C10orf90: variants seen among roughly 807,000 people sequenced by gnomAD.
The protein encoded by C10orf90 is chromosome 10 open reading frame 90.
C10orf90 carries 56 observed loss-of-function variants against 62.5 expected under a neutral mutation model. The observed-to-expected ratio is 0.90, with a 90% confidence interval of 0.72 to 1.12. C10orf90 has a LOEUF of 1.12. Ranked by LOEUF, C10orf90 falls within the 50% of genes most tolerant of loss-of-function variation. The probability of loss-of-function intolerance (pLI) is 0.00; values close to 1 mark genes in which losing one functional copy is unlikely to be tolerated. For synonymous variants in C10orf90, 386 were observed against 340.4 expected (o/e 1.13, Z -1.47); for missense variants, 970 against 880.4 (o/e 1.10, Z -1.29).
At chr10:126,614,443 A>G (rs1004844955) in intron 2 of C10orf90, among the ~76,000 whole-genome samples, 1 of 152,258 alleles carries the variant, frequency 6.6e-6, no homozygotes, top group East Asian at 1.9e-4. Flanking sequence ...GAAAAGCATT[A>G]AAAAAAGCCT....
At chr10:126,476,175 A>T (rs754307694) in intron 4 of C10orf90, among the ~76,000 whole-genome samples, 2 of 152,200 alleles carry the variant, frequency 1.3e-5, no homozygotes, top group African/African-American at 4.8e-5. Flanking sequence ...ATTCCCGTGG[A>T]AAAGGCCCCG....
chr10:126,575,213 C>T (rs1317735225), intron 2 of C10orf90, among the ~76,000 whole-genome samples: 1 of 151,960 alleles, frequency 6.6e-6, no homozygotes, highest in Non-Finnish European at 1.5e-5. Flanking sequence ...GTCAAATTGT[C>T]CCTGTTTGAA....
chr10:126,618,981 G>A (rs879903405), intron 2 of C10orf90, among the ~76,000 whole-genome samples: 6 of 151,648 alleles, frequency 4.0e-5, no homozygotes, highest in Non-Finnish European at 8.8e-5. Context: ...ATACACCATG[G>A]AATACTATGC....
chr10:126,573,344 G>A (rs965463148), intron 2 of C10orf90, among the ~76,000 whole-genome samples: 1 of 152,200 alleles, frequency 6.6e-6, no homozygotes, highest in Non-Finnish European at 1.5e-5. Flanking sequence ...GTCAGGGCTC[G>A]ATCTTTAACT....
At chr10:126,561,242 C>T (rs979162074) in intron 2 of C10orf90, among the ~76,000 whole-genome samples, 8 of 152,160 alleles carry the variant, frequency 5.3e-5, no homozygotes, top group South Asian at 2.1e-4. Context: ...CATAACCTGC[C>T]GCTGTTTCCA....
intron 3 of C10orf90, among the ~76,000 whole-genome samples, chr10:126,510,065 G>C (rs1863008395): frequency 6.6e-6 from 1 of 152,062 alleles, no homozygotes; most frequent in Non-Finnish European, 1.5e-5. Context: ...CCATGTCTGG[G>C]TCCTAATCTT....
chr10:126,627,135 G>A (rs767632249), intron 2 of C10orf90, among the ~76,000 whole-genome samples: 10 of 151,768 alleles, frequency 6.6e-5, no homozygotes, highest in Non-Finnish European at 1.2e-4. Flanking sequence ...AGGTAGCTGG[G>A]ATTACAGGCA....
At chr10:126,667,742 G>C (rs1442956367) in intron 1 of C10orf90, among the ~76,000 whole-genome samples, 1 of 152,196 alleles carries the variant, frequency 6.6e-6, no homozygotes, top group Admixed American at 6.5e-5. Context: ...GCGGACAGAA[G>C]GCAGAGCTCC....
chr10:126,494,728 T>A (rs528848993), intron 4 of C10orf90, among the ~76,000 whole-genome samples: 3 of 152,328 alleles, frequency 2.0e-5, no homozygotes, highest in African/African-American at 7.2e-5. Flanking sequence ...ACAACAGCCA[T>A]ATAATGGACC....
chr10:126,590,388 T>C (rs1243931227), intron 2 of C10orf90, among the ~76,000 whole-genome samples: 2 of 152,196 alleles, frequency 1.3e-5, no homozygotes, highest in Non-Finnish European at 2.9e-5. Flanking sequence ...AGAATATACA[T>C]TCTTCTCATC....
intron 7 of C10orf90, among the ~76,000 whole-genome samples, chr10:126,442,478 CATAT>C (rs55780866): frequency 0.019 from 657 of 33,790 alleles, 70 homozygotes; most frequent in East Asian, 0.13. Context: ...TTCAATATTT[CATAT>C]ATATATATAT....
At chr10:126,650,440 G>C (rs374849730) in intron 1 of C10orf90, among the ~76,000 whole-genome samples, 71 of 152,242 alleles carry the variant, frequency 4.7e-4, no homozygotes, top group African/African-American at 1.3e-3. Flanking sequence ...ATCCTCACAG[G>C]ATCGTCCAAC....
chr10:126,606,557 G>A (rs1219895211), intron 2 of C10orf90, among the ~76,000 whole-genome samples: 2 of 152,100 alleles, frequency 1.3e-5, no homozygotes, highest in Non-Finnish European at 2.9e-5. Context: ...TGAGCTCACC[G>A]CGGACAAACA....
chr10:126,445,570 T>C (rs1445185100), intron 7 of C10orf90, among the ~76,000 whole-genome samples: 2 of 152,102 alleles, frequency 1.3e-5, no homozygotes, highest in African/African-American at 2.4e-5. Context: ...CTGGTAGGAA[T>C]GTAAACCAGT....
intron 2 of C10orf90, among the ~76,000 whole-genome samples, chr10:126,522,162 G>C (rs1324755256): frequency 6.6e-6 from 1 of 152,188 alleles, no homozygotes; most frequent in Non-Finnish European, 1.5e-5. Context: ...AAGCTACTTG[G>C]GAGGCTGAGA....
In C10orf90 at chr10:126,514,664, G is replaced by A. The variant is rs180812104; in HGVS notation, c.314-725C>T. On this transcript the variant is annotated intron_variant, in intron 2 of 9. Transcript: ENST00000488181. Reference sequence around the variant, plus strand: ...ACCACACCTGCCCTGAGTACCTCACGGAGTCCTGAGCAGAAGCTTTCTCTT... The same window carrying A: ...ACCACACCTGCCCTGAGTACCTCACAGAGTCCTGAGCAGAAGCTTTCTCTT... 1.1e-4 allele frequency among the ~76,000 whole-genome samples: 17 copies of A among 152,200 alleles called. No homozygotes were observed. In the East Asian group the frequency reaches 2.3e-3, roughly 21 times the overall value.
chr10:126,529,436 A>T (rs1002204072), intron 2 of C10orf90, among the ~76,000 whole-genome samples: 1 of 152,186 alleles, frequency 6.6e-6, no homozygotes, highest in African/African-American at 2.4e-5. Context: ...GGCAAGCCAC[A>T]ATTTAGAAAA....
In C10orf90 at chr10:126,545,375, C is replaced by T. The variant is rs550664817; in HGVS notation, c.314-31436G>A. Among the ~76,000 whole-genome samples, 3 of 152,246 alleles carry T rather than the reference C, an allele frequency of 2.0e-5. No homozygotes were observed. In the South Asian group the frequency reaches 6.2e-4, roughly 32 times the overall value. ...AGCCTTAATTAATTCCTTGTTCTTC[C>T]CCTTTTATAATGTTAAGGAAGGCAT... On this transcript the variant is annotated intron_variant, in intron 2 of 9. Transcript: ENST00000488181.
chr10:126,445,805 G>GTATATATATATA lies in C10orf90; in HGVS notation c.2188+13223_2188+13234dup, dbSNP rs71029302. On this transcript the variant is annotated intron_variant, in intron 7 of 9. Coordinates refer to ENST00000488181, the MANE Select transcript of C10orf90 (RefSeq NM_001350921.2). ...AATGAGTAGATAAAGAAACTGTGGT[G>GTATATATATATA]TATATATATATATATATATATACAA... 8.6e-3 allele frequency among the ~76,000 whole-genome samples: 864 copies of GTATATATATATA among 100,686 alleles called. 10 individuals are homozygous for GTATATATATATA. Among genetic ancestry groups the GTATATATATATA allele is most frequent in the African/African-American group, 0.021 (536 of 25,728 alleles). The allele number at this position is 100,686 out of a possible 152,430, so 66.1% of individuals were successfully genotyped here.
Sources: gnomAD v4.1 joint callset for allele counts (sites outside exome capture counted in the v4.1 genomes callset) on GRCh38, gnomAD v4.1.1 for gene constraint, MANE v1.5 for transcripts, NCBI Gene and HGNC (gene_info 2026-07-23, HGNC 2026-07-21) for gene names.